TRAF5: variants seen among roughly 807,000 people sequenced by gnomAD.
TRAF5 encodes the protein TNF receptor associated factor 5, also known as TNF receptor-associated factor 5.
In TRAF5, 48 loss-of-function variants were observed where a neutral mutation model predicts 64.5. The ratio of observed to expected loss-of-function variants is 0.74; its 90% CI spans 0.59 to 0.95. The LOEUF is 0.95. Among genes scored for constraint, TRAF5 ranks in the 40% least tolerant of loss-of-function variants. The pLI, the probability that TRAF5 is intolerant of heterozygous loss-of-function variation, is 0.00. For synonymous variants in TRAF5, 206 were observed against 240.5 expected, an observed-to-expected ratio of 0.86 and a Z score of 1.33; for missense variants, 545 against 662.8, an observed-to-expected ratio of 0.82 and a Z score of 1.95.
intron 3 of TRAF5, among the ~76,000 whole-genome samples, chr1:211,355,576 C>T (rs1210118890): frequency 3.3e-5 from 5 of 152,164 alleles, no homozygotes; most frequent in East Asian, 3.9e-4. Context: ...ACCTACAACA[C>T]GGCTGTGCTG....
At chr1:211,353,123 A>T in intron 1 of TRAF5, 116 bp from the exon 2 acceptor site, 2 of 1,041,068 alleles carry the variant, frequency 1.9e-6, no homozygotes, top group Admixed American at 1.9e-5. Context: ...TCACAACAGA[A>T]TGACCATGTG....
intron 8 of TRAF5, among the ~76,000 whole-genome samples, chr1:211,366,265 G>A (rs1030627123): frequency 6.6e-6 from 1 of 152,256 alleles, no homozygotes; most frequent in African/African-American, 2.4e-5. Flanking sequence ...GAGTTCCAGG[G>A]TCAGATTCTG....
intron 3 of TRAF5, 25 bp from the exon 4 acceptor site, chr1:211,356,342 G>A (rs1011076010): frequency 6.3e-7 from 1 of 1,586,632 alleles, no homozygotes; most frequent in Admixed American, 1.7e-5. Flanking sequence ...TGAAGTGTGT[G>A]AGACCTATTA....
rs1234920958 is a variant in TRAF5 at position 211,374,277 on chromosome 1, C to G, written c.*1575C>G. Reference sequence around the variant, plus strand: ...TGAGCCCTTCTGCGTTGTTATGCCACTTCCCTACTGCTCATATGCACGCTG... The same window carrying G: ...TGAGCCCTTCTGCGTTGTTATGCCAGTTCCCTACTGCTCATATGCACGCTG... On this transcript the variant is annotated 3_prime_UTR_variant, in exon 11 of 11. Coordinates refer to ENST00000261464, the MANE Select transcript of TRAF5 (RefSeq NM_001033910.3). 6.5e-6 allele frequency: 1 copy of G among 152,888 alleles called. No individual in the cohort carries two copies. The highest frequency in any genetic ancestry group is 2.4e-5 in the African/African-American group (1 of 41,462). 9.5% of individuals were successfully genotyped at this position (152,888 alleles called of 1,614,324 possible). A position where few individuals can be genotyped will look rare whatever the true frequency, so the allele number is the denominator to read the frequency against.
rs750622824 is a variant in TRAF5 at position 211,373,743 on chromosome 1, C to CT, written c.*1050dup. 5.3e-5 allele frequency: 8 copies of CT among 151,492 alleles called. No homozygotes were observed. Among genetic ancestry groups the CT allele is most frequent in the Non-Finnish European group, 8.8e-5 (6 of 67,814 alleles). The allele number at this position is 151,492 out of a possible 1,614,324, so 9.4% of individuals were successfully genotyped here. On this transcript the variant is annotated 3_prime_UTR_variant, in exon 11 of 11. Coordinates refer to ENST00000261464, the MANE Select transcript of TRAF5 (RefSeq NM_001033910.3). ...AACAGTATCTACTATTCTCTGATAACTTTTTTTTTGAGACAGAGTTTCATT... is the reference window on the plus strand; with the variant it reads ...AACAGTATCTACTATTCTCTGATAACTTTTTTTTTTGAGACAGAGTTTCATT...
chr1:211,352,721 G>C (rs972567924), intron 1 of TRAF5, among the ~76,000 whole-genome samples: 2 of 152,134 alleles, frequency 1.3e-5, no homozygotes, highest in African/African-American at 4.8e-5. Context: ...ATTTCTCATA[G>C]TTCTGGAGGC....
intron 1 of TRAF5, among the ~76,000 whole-genome samples, chr1:211,337,019 G>A (rs1169118274): frequency 3.9e-5 from 6 of 152,198 alleles, no homozygotes; most frequent in Non-Finnish European, 8.8e-5. Flanking sequence ...GGCGTGAGCC[G>A]CTGCACCTGG....
chr1:211,364,688 A>C lies in TRAF5; in HGVS notation c.697-688A>C, dbSNP rs373267135. On this transcript the variant is annotated intron_variant, in intron 7 of 10. Transcript: ENST00000261464. ...GCGACAGAGCAAGACTCCATCTCAA[A>C]AAACAAACAAACAAACAAACAAAAC... Among the ~76,000 whole-genome samples, 737 of 150,892 alleles carry C rather than the reference A, an allele frequency of 4.9e-3. 1 individual carries two copies. The highest frequency in any genetic ancestry group is 0.017 in the African/African-American group (705 of 41,022).
At chr1:211,345,368 C>A (rs113951708) in intron 1 of TRAF5, among the ~76,000 whole-genome samples, 54 of 152,044 alleles carry the variant, frequency 3.6e-4, no homozygotes, top group Middle Eastern at 3.4e-3. Flanking sequence ...CGCTCCCCCC[C>A]CCTCCTTTTT....
At position 211,345,392 on chromosome 1, in the gene TRAF5, T is replaced by C. The variant is rs1395585417; in HGVS notation, c.-1-7847T>C. Among the ~76,000 whole-genome samples, 3 of 149,620 alleles carry C rather than the reference T, an allele frequency of 2.0e-5. No homozygotes were observed. In the East Asian group the frequency reaches 6.2e-4, roughly 31 times the overall value. ...CCCCTCCTTTTTTTTTGCTTCCTGG[T>C]AGTAACTGTTCTTCCTGGAAGAGCA... On this transcript the variant is annotated intron_variant, in intron 1 of 10. Transcript: ENST00000261464.
intron 5 of TRAF5, 131 bp from the exon 6 acceptor site, chr1:211,360,571 T>G (rs1055469133): frequency 3.1e-6 from 2 of 647,364 alleles, no homozygotes; most frequent in Non-Finnish European, 2.7e-6. Flanking sequence ...TTTAATCCTT[T>G]TTTGGAATTA....
At chr1:211,351,031 CTT>C (rs11426853) in intron 1 of TRAF5, among the ~76,000 whole-genome samples, 2 of 116,034 alleles carry the variant, frequency 1.7e-5, no homozygotes, top group African/African-American at 3.4e-5. Flanking sequence ...CTGGCCTCTT[CTT>C]TTTTTTTTTT....
intron 1 of TRAF5, among the ~76,000 whole-genome samples, chr1:211,348,048 G>C (rs1383839636): frequency 2.6e-5 from 4 of 152,154 alleles, no homozygotes; most frequent in Non-Finnish European, 4.4e-5. Flanking sequence ...GGATCTGCAT[G>C]GTCAAAACTA....
At chr1:211,369,397 A>C in intron 8 of TRAF5, 55 bp from the exon 9 acceptor site, 14 of 1,396,796 alleles carry the variant, frequency 1.0e-5, no homozygotes, top group Non-Finnish European at 1.2e-5. Context: ...TATTTTAACT[A>C]TATGCATGCA....
chr1:211,351,227 C>T (rs183128941), intron 1 of TRAF5, among the ~76,000 whole-genome samples: 18 of 151,886 alleles, frequency 1.2e-4, no homozygotes, highest in Admixed American at 7.2e-4. Context: ...GGGGTTTCAC[C>T]GCGTTAGCCA....
chr1:211,359,721 C>T, intron 4 of TRAF5, 191 bp from the exon 5 acceptor site: 1 of 539,160 alleles, frequency 1.9e-6, no homozygotes, highest in African/African-American at 1.9e-5. Flanking sequence ...TACAAGCAGC[C>T]CTCCCCATGC....
chr1:211,349,847 A>G (rs1702728323), intron 1 of TRAF5, among the ~76,000 whole-genome samples: 1 of 152,138 alleles, frequency 6.6e-6, no homozygotes, highest in South Asian at 2.1e-4. Context: ...ATACTGTGTG[A>G]CAGACTTGGG....
At position 211,340,152 on chromosome 1, in the gene TRAF5, G is replaced by C. The variant is rs979600471; in HGVS notation, c.-1-13087G>C. 2.6e-5 allele frequency among the ~76,000 whole-genome samples: 4 copies of C among 152,158 alleles called. No homozygotes were observed. The East Asian group carries it at 5.8e-4, about 22-fold the overall frequency. The stretch of plus-strand genomic sequence containing the variant: ...GGAGGGTGGGGCTGGGCAAAGCCTG[G>C]GCTCAGTCCTCATTTGAAAATATTC... On this transcript the variant is annotated intron_variant, in intron 1 of 10. Transcript: ENST00000261464.
At chr1:211,332,120 TCAGAGGCTGGGGC>T (rs1466195795) in intron 1 of TRAF5, among the ~76,000 whole-genome samples, 1 of 152,166 alleles carries the variant, frequency 6.6e-6, no homozygotes, top group African/African-American at 2.4e-5. Context: ...CCAGGCAGCC[TCAGAGGCTGGGGC>T]CCCATGGACC....
Sources: allele counts gnomAD v4.1 joint callset (sites outside exome capture counted in the v4.1 genomes callset), GRCh38; gene constraint gnomAD v4.1.1; transcripts MANE v1.5; gene names NCBI Gene and HGNC (gene_info 2026-07-23, HGNC 2026-07-21).